KLF17: variants seen among roughly 807,000 people sequenced by gnomAD.
KLF17 encodes Krueppel-like factor 17.
A neutral mutation model predicts 34.2 loss-of-function variants in KLF17; 31 were observed. The ratio of observed to expected loss-of-function variants is 0.91; its 90% CI spans 0.68 to 1.22. The LOEUF is 1.22. Ranked by LOEUF, KLF17 falls within the 50% of genes most tolerant of loss-of-function variation. The pLI is 0.00. For missense variants in KLF17, 478 were observed against 505.2 expected (o/e 0.95, Z 0.52); for synonymous variants, 179 against 186.7 (o/e 0.96, Z 0.34).
chr1:44,090,306 CAAAAAAAA>C, the KLF17 span, among the ~76,000 whole-genome samples: 195 of 23,346 alleles, frequency 8.4e-3, no homozygotes, highest in African/African-American at 0.035. Context: ...CTTGTCTCTA[CAAAAAAAA>C]AAAAAAAAAA....
upstream of KLF17, chr1:44,114,486 C>T (rs887316039): frequency 6.6e-6 from 1 of 152,086 alleles, no homozygotes; most frequent in Admixed American, 6.6e-5. Context: ...TGGAGGTGAC[C>T]CCAAGGGAGA....
chr1:44,108,825 C>A, the KLF17 span, among the ~76,000 whole-genome samples: 1 of 151,888 alleles, frequency 6.6e-6, no homozygotes, highest in Non-Finnish European at 1.5e-5. Flanking sequence ...ACCACCATAC[C>A]CTGCTAATTT....
At chr1:44,113,048 G>A in the KLF17 span, among the ~76,000 whole-genome samples, 1 of 152,154 alleles carries the variant, frequency 6.6e-6, no homozygotes, top group African/African-American at 2.4e-5. Flanking sequence ...GCTCATATAT[G>A]TAACTGCTTC....
At chr1:44,112,163 C>T in the KLF17 span, among the ~76,000 whole-genome samples, 1 of 152,220 alleles carries the variant, frequency 6.6e-6, no homozygotes, top group East Asian at 1.9e-4. Context: ...AGGTTGTTTC[C>T]AAATTTCTTT....
the KLF17 span, chr1:44,110,737 GA>G: frequency 6.6e-6 from 1 of 151,748 alleles, no homozygotes; most frequent in East Asian, 1.9e-4. Context: ...GTTAGCTAAA[GA>G]AGGAAAAAAA....
intron 3 of KLF17, among the ~76,000 whole-genome samples, chr1:44,131,145 C>T (rs2088104996): frequency 6.6e-6 from 1 of 152,156 alleles, no homozygotes; most frequent in East Asian, 1.9e-4. Context: ...CAGTTCTTCT[C>T]TTTGGTGGGT....
the KLF17 span, among the ~76,000 whole-genome samples, chr1:44,069,503 AGAGAGAGAG>A: frequency 3.6e-3 from 524 of 143,998 alleles, 4 homozygotes; most frequent in African/African-American, 0.014. The surrounding 1 kb of genome is among the most constrained non-coding windows in gnomAD (Gnocchi z 4.7). Flanking sequence ...AGAGAGAGAG[AGAGAGAGAG>A]AAGACAGGAG....
the KLF17 span, among the ~76,000 whole-genome samples, chr1:44,075,823 A>G: frequency 6.6e-6 from 1 of 152,218 alleles, no homozygotes; most frequent in Admixed American, 6.5e-5. Flanking sequence ...CTTTTTGTCT[A>G]CAACAAAACA....
At chr1:44,093,425 A>T in the KLF17 span, among the ~76,000 whole-genome samples, 1 of 151,822 alleles carries the variant, frequency 6.6e-6, no homozygotes, top group Non-Finnish European at 1.5e-5. Flanking sequence ...ACGGAGTTTC[A>T]CTCTTGTCCC....
At chr1:44,058,129 G>T in the KLF17 span, among the ~76,000 whole-genome samples, 31 of 152,268 alleles carry the variant, frequency 2.0e-4, no homozygotes, top group African/African-American at 7.2e-4. Context: ...GACCCAGCAG[G>T]CGTCCTGAGC....
chr1:44,080,713 ATT>A, the KLF17 span, among the ~76,000 whole-genome samples: 3,023 of 92,526 alleles, frequency 0.033, 28 homozygotes, highest in South Asian at 0.059. Context: ...ATTATATTGA[ATT>A]TTTTTTTTTT....
the KLF17 span, among the ~76,000 whole-genome samples, chr1:44,088,945 G>A: frequency 6.6e-6 from 1 of 152,278 alleles, no homozygotes; most frequent in Admixed American, 6.5e-5. Context: ...GGCTGACTTA[G>A]TGGATAAAAA....
rs763653466 is a variant in KLF17 at position 44,129,370 on chromosome 1, G to A, written c.99G>A (p.Ala33=). 7.3e-6 allele frequency: 11 copies of A among 1,514,712 alleles called. No individual in the cohort carries two copies. Among genetic ancestry groups the A allele is most frequent in the South Asian group, 4.0e-5 (3 of 74,676 alleles). 93.8% of individuals were successfully genotyped at this position (1,514,712 alleles called of 1,614,324 possible). Residue 33 remains alanine, a synonymous_variant, in exon 2 of 4, where the codon GCG becomes GCA. Transcript: ENST00000372299. The part of the protein sequence containing the change: ...HQAAQDNENS[A]PILNMSSSSG... ...TCCCCAAGGATAACGAGAACTCAGC[G>A]CCCATCTTGAACATGTCTTCATCTT... is the stretch of plus-strand genomic sequence containing the variant.
chr1:44,066,783 T>C, the KLF17 span, among the ~76,000 whole-genome samples: 1 of 152,174 alleles, frequency 6.6e-6, no homozygotes, highest in Admixed American at 6.5e-5. Flanking sequence ...GCCTGGTGAC[T>C]ACAGAGTGGA....
chr1:44,080,460 C>T, the KLF17 span, among the ~76,000 whole-genome samples: 2 of 149,974 alleles, frequency 1.3e-5, no homozygotes, highest in African/African-American at 2.5e-5. Flanking sequence ...GTATGGTCTC[C>T]ATCTCCTGAC....
the KLF17 span, among the ~76,000 whole-genome samples, chr1:44,099,435 A>G: frequency 6.6e-6 from 1 of 152,104 alleles, no homozygotes; most frequent in African/African-American, 2.4e-5. Flanking sequence ...TAAAAAGAAA[A>G]TATGCATATA....
At chr1:44,130,906 C>T (rs375633905) in intron 3 of KLF17, 150 bp downstream of exon 3, 2 of 740,436 alleles carry the variant, frequency 2.7e-6, no homozygotes. Context: ...AGTGATTTTC[C>T]TGCCTCAGCC....
At chr1:44,081,593 T>C in the KLF17 span, among the ~76,000 whole-genome samples, 1 of 151,952 alleles carries the variant, frequency 6.6e-6, no homozygotes, top group Non-Finnish European at 1.5e-5. Flanking sequence ...TTTTTGTATT[T>C]TTTTTCCCAT....
chr1:44,111,102 T>G, the KLF17 span, among the ~76,000 whole-genome samples: 2 of 151,842 alleles, frequency 1.3e-5, no homozygotes, highest in African/African-American at 4.8e-5. Flanking sequence ...TCTTCCTACT[T>G]AAGCCTCCCT....
Sources: allele counts gnomAD v4.1 joint callset (sites outside exome capture counted in the v4.1 genomes callset), GRCh38; gene constraint gnomAD v4.1.1; non-coding constraint Gnocchi (gnomAD v3.1); transcripts MANE v1.5; gene names NCBI Gene and HGNC (gene_info 2026-07-23, HGNC 2026-07-21).